MFSD12: variants seen among roughly 807,000 people sequenced by gnomAD.
MFSD12 encodes major facilitator superfamily domain containing 12.
A neutral mutation model predicts 51.2 loss-of-function variants in MFSD12; 67 were observed. That is an observed-to-expected ratio of 1.31 (90% CI 1.08 to 1.60). The LOEUF is 1.60. Ranked by LOEUF, MFSD12 falls within the 40% of genes most tolerant of loss-of-function variation. The pLI, the probability that MFSD12 is intolerant of heterozygous loss-of-function variation, is 0.00. For synonymous variants in MFSD12, 441 were observed against 316.7 expected (o/e 1.39, Z -4.17); for missense variants, 921 against 673.0 (o/e 1.37, Z -4.08).
At chr19:3,541,788 T>A, downstream of MFSD12, 4 of 984,994 alleles carry the variant, frequency 4.1e-6, no homozygotes, top group Non-Finnish European at 4.8e-6. Context: ...AGGGGCTCAT[T>A]TCTCATTGAA....
At chr19:3,541,060 T>G (rs1173389650), downstream of MFSD12, among the ~76,000 whole-genome samples, 3 of 148,182 alleles carry the variant, frequency 2.0e-5, no homozygotes, top group Non-Finnish European at 4.5e-5. Flanking sequence ...TCCCAGCTAC[T>G]CGGGAGGCTG....
downstream of MFSD12, chr19:3,543,097 C>A: frequency 6.4e-7 from 1 of 1,551,226 alleles, no homozygotes. Context: ...GGCTGAAGGA[C>A]AGACTCCAAG....
At chr19:3,543,653 G>C, downstream of MFSD12, 1 of 1,543,212 alleles carries the variant, frequency 6.5e-7, no homozygotes, top group Non-Finnish European at 8.7e-7. Context: ...GCTGTGGAAA[G>C]ACAGGCCAAT....
At chr19:3,547,144 T>C in intron 6 of MFSD12, 128 bp downstream of exon 6, 1 of 832,544 alleles carries the variant, frequency 1.2e-6, no homozygotes, top group Non-Finnish European at 2.0e-6. Context: ...GGCCTAGATC[T>C]GGGGCTTCTA....
downstream of MFSD12, among the ~76,000 whole-genome samples, chr19:3,540,377 C>T (rs1402667959): frequency 1.3e-5 from 2 of 151,794 alleles, no homozygotes; most frequent in African/African-American, 2.4e-5. Flanking sequence ...CCTGCCTCAG[C>T]CTCCCAAGTA....
At chr19:3,549,173 G>T (rs2031304249) in intron 2 of MFSD12, among the ~76,000 whole-genome samples, 1 of 152,188 alleles carries the variant, frequency 6.6e-6, no homozygotes, top group Non-Finnish European at 1.5e-5. Flanking sequence ...GTAACCAGAA[G>T]AACCTCTTCC....
At chr19:3,541,195 G>T (rs554388246), downstream of MFSD12, among the ~76,000 whole-genome samples, 27 of 150,030 alleles carry the variant, frequency 1.8e-4, no homozygotes, top group Admixed American at 1.0e-3. Flanking sequence ...AATCAACCAG[G>T]CATGGCGGCA....
At chr19:3,540,263 T>TTGTGTG (rs1416940366), downstream of MFSD12, among the ~76,000 whole-genome samples, 1 of 145,406 alleles carries the variant, frequency 6.9e-6, no homozygotes, top group African/African-American at 2.8e-5. Context: ...CAGCTAATTT[T>TTGTGTG]TGTTTTTTTT....
intron 1 of MFSD12, among the ~76,000 whole-genome samples, chr19:3,552,832 C>T (rs1485213388): frequency 6.6e-6 from 1 of 152,112 alleles, no homozygotes; most frequent in Admixed American, 6.6e-5. Flanking sequence ...CCTGACACAG[C>T]CTGTAAGCGT....
At chr19:3,538,332 T>TGAGGTGGCGTTCAGTACAGA (rs1175671090) in exon 5 of MFSD12, 1 of 189,860 alleles carries the variant, frequency 5.3e-6, no homozygotes, top group African/African-American at 2.4e-5. Flanking sequence ...CGTCTTACAG[T>TGAGGTGGCGTTCAGTACAGA]GAGGTGGCGT....
rs759311598 is a variant in MFSD12 at position 3,547,378 on chromosome 19, G to A, written c.931-14C>T. The stretch of plus-strand genomic sequence containing the variant: ...CGCGATGAACTTCTGCGGAGGCAGA[G>A]CCAGGCATGCCGTGTCAGTCATGGC... On this transcript the variant is annotated splice_polypyrimidine_tract_variant and intron_variant, in intron 5 of 9. Transcript: ENST00000355415. 2.5e-6 allele frequency: 4 copies of A among 1,612,824 alleles called. No homozygotes were observed. The highest frequency in any genetic ancestry group is 3.4e-6 in the Non-Finnish European group (4 of 1,179,672).
At position 3,544,926 on chromosome 19, in the gene MFSD12, A is replaced by T; in HGVS notation, c.1303T>A (p.Cys435Ser). Residue 435 changes from cysteine (C) to serine (S), a missense_variant, in exon 9 of 10, where the codon TGC (cysteine) becomes AGC (serine). By Grantham distance (112) the Cys-to-Ser change is moderately radical (BLOSUM62 -1). Transcript: ENST00000355415. ...SLHPCPSELC[C>S]RACVSFYHWA... ...TGGTAAAAGCTCACGCAGGCCCTGC[A>T]GCAGAGCTCTGAGCTGTGGGAGGAG... The T allele has an allele frequency of 6.2e-7, 1 of 1,609,724 alleles. No homozygotes were observed. The highest frequency in any genetic ancestry group is 1.7e-5 in the Admixed American group (1 of 59,800).
intron 4 of MFSD12, chr19:3,538,923 G>C (rs528431458): frequency 2.0e-5 from 13 of 655,256 alleles, no homozygotes; most frequent in African/African-American, 5.4e-5. Flanking sequence ...GACCCCAGGT[G>C]GGGGGTGCAT....
intron 1 of MFSD12, among the ~76,000 whole-genome samples, chr19:3,556,115 C>A (rs551540705): frequency 6.6e-6 from 1 of 152,214 alleles, no homozygotes; most frequent in Non-Finnish European, 1.5e-5. Context: ...CCCACCCAGG[C>A]GGCTCCCAAC....
intron 2 of MFSD12, among the ~76,000 whole-genome samples, chr19:3,549,081 G>C (rs1196649704): frequency 1.3e-5 from 2 of 152,180 alleles, no homozygotes; most frequent in Non-Finnish European, 2.9e-5. Flanking sequence ...CCAGCTCACG[G>C]GGAGGATTAA....
rs2031140246 is a variant in MFSD12, at chr19:3,547,256, G to A, written c.1023+16C>T. ...CCATCCTCCGCCCCAGCTGTCCCCG[G>A]TCCCCGCCCACTCACGTTCCTCCCA... On this transcript the variant is annotated intron_variant, in intron 6 of 9. Coordinates refer to ENST00000355415, the MANE Select transcript of MFSD12 (RefSeq NM_174983.5). 1 of 1,609,154 alleles carries A rather than the reference G, an allele frequency of 6.2e-7. No homozygotes were observed. The highest frequency in any genetic ancestry group is 1.3e-5 in the African/African-American group (1 of 74,846).
Position 3,544,895 on chromosome 19 carries a change from G to A in MFSD12, c.1334C>T (p.Ala445Val), listed in dbSNP as rs761281513. 1.3e-4 allele frequency: 206 copies of A among 1,611,548 alleles called. No individual in the cohort carries two copies. Among genetic ancestry groups the A allele is most frequent in the South Asian group, 3.6e-4 (33 of 90,934 alleles). ...CACGCCGCCCGTCACAGCCACCATCGCCCAGTGGTAAAAGCTCACGCAGGC... is the reference window on the plus strand; with the variant it reads ...CACGCCGCCCGTCACAGCCACCATCACCCAGTGGTAAAAGCTCACGCAGGC... ...CRACVSFYHW[A>V]MVAVTGGVGV... is the part of the protein sequence containing the mutation. Residue 445 changes from alanine to valine, a missense_variant, in exon 9 of 10, where the codon GCG (alanine) becomes GTG (valine). Physicochemically the swap from Ala to Val is moderately conservative, Grantham distance 64. Coordinates refer to ENST00000355415, the MANE Select transcript of MFSD12 (RefSeq NM_174983.5).
intron 1 of MFSD12, among the ~76,000 whole-genome samples, chr19:3,556,704 G>A (rs2031740943): frequency 6.6e-6 from 1 of 152,068 alleles, no homozygotes; most frequent in Admixed American, 6.6e-5. Flanking sequence ...CAGACAGACG[G>A]GGGAGGCTCA....
Position 3,547,764 on chromosome 19 carries a change from G to A in MFSD12, c.837+84C>T, listed in dbSNP as rs571895142. The A allele has an allele frequency of 7.0e-5, 100 of 1,425,888 alleles. No individual in the cohort carries two copies. In the East Asian group the frequency reaches 1.8e-3, roughly 25 times the overall value. 88.3% of individuals were successfully genotyped at this position (1,425,888 alleles called of 1,614,324 possible). A position where few individuals can be genotyped will look rare whatever the true frequency, so the allele number is the denominator to read the frequency against. ...GCACCAGGGGCCACGTGTGCTCTGCGTCTGGACGCAGCTGCCCCACAGAGC... is the reference window on the plus strand; with the variant it reads ...GCACCAGGGGCCACGTGTGCTCTGCATCTGGACGCAGCTGCCCCACAGAGC... On this transcript the variant is annotated intron_variant, in intron 4 of 9. Coordinates refer to ENST00000355415, the MANE Select transcript of MFSD12 (RefSeq NM_174983.5).
Sources: allele counts gnomAD v4.1 joint callset (sites outside exome capture counted in the v4.1 genomes callset), GRCh38; gene constraint gnomAD v4.1.1; transcripts MANE v1.5; gene names NCBI Gene and HGNC (gene_info 2026-07-23, HGNC 2026-07-21).